DCAF12: variants seen among roughly 807,000 people sequenced by gnomAD.
DCAF12 encodes DDB1 and CUL4 associated factor 12.
DCAF12 carries 28 observed loss-of-function variants against 52.8 expected under a neutral mutation model. That is an observed-to-expected ratio of 0.53 (90% CI 0.39 to 0.73). The LOEUF is 0.73. DCAF12 is among the 30% of genes least tolerant of loss of function. The probability of loss-of-function intolerance (pLI) is 0.00; values close to 1 mark genes in which losing one functional copy is unlikely to be tolerated. For synonymous variants in DCAF12, 196 were observed against 215.5 expected (o/e 0.91, Z 0.79); for missense variants, 425 against 552.2 (o/e 0.77, Z 2.31).
chr9:34,114,080 C>A (rs1173079641), intron 2 of DCAF12, among the ~76,000 whole-genome samples: 1 of 151,574 alleles, frequency 6.6e-6, no homozygotes, highest in Non-Finnish European at 1.5e-5. Context: ...TGCACTCCAG[C>A]CTGGGCGACA....
At chr9:34,112,097 C>T (rs970774600) in intron 2 of DCAF12, among the ~76,000 whole-genome samples, 6 of 149,666 alleles carry the variant, frequency 4.0e-5, no homozygotes, top group Admixed American at 2.7e-4. Flanking sequence ...GAGCCAAGAT[C>T]GTGCCATTGC....
chr9:34,107,118 T>A (rs552554101), intron 3 of DCAF12, among the ~76,000 whole-genome samples: 3 of 152,184 alleles, frequency 2.0e-5, no homozygotes, highest in Non-Finnish European at 4.4e-5. Context: ...GAATGGATGA[T>A]TTAGTAAACT....
chr9:34,106,555 T>C, intron 3 of DCAF12, 61 bp from the exon 4 acceptor site: 1 of 1,347,726 alleles, frequency 7.4e-7, no homozygotes, highest in South Asian at 1.2e-5. Flanking sequence ...AAATAAGGAT[T>C]GTAATAAACT....
chr9:34,124,137 G>C lies in DCAF12; in HGVS notation c.333+886C>G, dbSNP rs117474949. Among the ~76,000 whole-genome samples, 549 of 152,190 alleles carry C rather than the reference G, an allele frequency of 3.6e-3. 8 individuals are homozygous for C. Among genetic ancestry groups the C allele is most frequent in the Admixed American group, 0.026 (397 of 15,272 alleles). ...TAGTACTTAAGACTTTCTTGATCTAGAGCAATCTTCTCTCTTTTAATGATC... is the reference window on the plus strand; with the variant it reads ...TAGTACTTAAGACTTTCTTGATCTACAGCAATCTTCTCTCTTTTAATGATC... On this transcript the variant is annotated intron_variant, in intron 2 of 8. Coordinates refer to ENST00000361264, the MANE Select transcript of DCAF12 (RefSeq NM_015397.4).
intron 3 of DCAF12, among the ~76,000 whole-genome samples, chr9:34,106,763 T>C (rs1828910637): frequency 6.6e-6 from 1 of 152,182 alleles, no homozygotes; most frequent in African/African-American, 2.4e-5. Context: ...ATCTTCCATC[T>C]GGAACTCTCT....
At position 34,126,463 on chromosome 9, in the gene DCAF12, C is replaced by G; in HGVS notation, c.-32G>C. ...CAGCGCCGCCGCGGCCCCGCAGCCA[C>G]ATGGGGCGGGGGAAGCGAAGGATAG... is the stretch of plus-strand genomic sequence containing the variant. On this transcript the variant is annotated 5_prime_UTR_variant, in exon 1 of 9. It removes an upstream start codon present in the reference 5' UTR. Transcript: ENST00000361264. 1.3e-6 allele frequency: 2 copies of G among 1,596,970 alleles called. No homozygotes were observed. The highest frequency in any genetic ancestry group is 1.7e-6 in the Non-Finnish European group (2 of 1,177,002).
intron 2 of DCAF12, among the ~76,000 whole-genome samples, chr9:34,121,684 C>A (rs1019292624): frequency 1.3e-5 from 2 of 152,150 alleles, no homozygotes; most frequent in Non-Finnish European, 2.9e-5. Context: ...GTGGCTCATG[C>A]CTGTAATCCC....
At chr9:34,126,228 A>AG in intron 1 of DCAF12, 126 bp downstream of exon 1, 1 of 1,214,166 alleles carries the variant, frequency 8.2e-7, no homozygotes, top group Non-Finnish European at 1.2e-6. Flanking sequence ...ATAGGCCCTG[A>AG]ACCCATTCCT....
intron 2 of DCAF12, among the ~76,000 whole-genome samples, chr9:34,118,724 G>A (rs897148524): frequency 6.6e-6 from 1 of 151,660 alleles, no homozygotes; most frequent in Non-Finnish European, 1.5e-5. Context: ...AGCTCTTTGG[G>A]AGGCAGAGGT....
At chr9:34,113,783 G>A (rs554141638) in intron 2 of DCAF12, among the ~76,000 whole-genome samples, 4 of 152,256 alleles carry the variant, frequency 2.6e-5, no homozygotes, top group African/African-American at 7.2e-5. Flanking sequence ...GGAATCAGCC[G>A]AAGTGTGCAT....
At chr9:34,096,619 G>T in intron 6 of DCAF12, 97 bp downstream of exon 6, 2 of 1,151,860 alleles carry the variant, frequency 1.7e-6, no homozygotes, top group Non-Finnish European at 1.2e-6. Flanking sequence ...TAAATGAATA[G>T]ATAAAATAAA....
At chr9:34,108,902 G>A (rs1316260714) in intron 2 of DCAF12, among the ~76,000 whole-genome samples, 1 of 149,056 alleles carries the variant, frequency 6.7e-6, no homozygotes, top group Non-Finnish European at 1.5e-5. Flanking sequence ...GAGGCATAAG[G>A]ATCACAAATT....
At chr9:34,098,872 G>A (rs1828782692) in intron 4 of DCAF12, among the ~76,000 whole-genome samples, 2 of 151,706 alleles carry the variant, frequency 1.3e-5, no homozygotes, top group African/African-American at 2.4e-5. Flanking sequence ...GGGTTCAAGC[G>A]ATTCCCGTGC....
chr9:34,099,558 C>G (rs1241041619), intron 4 of DCAF12, among the ~76,000 whole-genome samples: 1 of 151,404 alleles, frequency 6.6e-6, no homozygotes, highest in African/African-American at 2.4e-5. Flanking sequence ...GAATTTTATA[C>G]ATTTTGATAA....
intron 2 of DCAF12, among the ~76,000 whole-genome samples, chr9:34,122,969 A>G (rs957504684): frequency 2.0e-5 from 3 of 152,210 alleles, no homozygotes; most frequent in Non-Finnish European, 2.9e-5. Context: ...AACCATGAAC[A>G]TATACCTAAC....
intron 2 of DCAF12, among the ~76,000 whole-genome samples, chr9:34,122,767 C>T (rs1442965313): frequency 1.3e-5 from 2 of 152,196 alleles, no homozygotes; most frequent in Admixed American, 1.3e-4. Flanking sequence ...TGTGAGCCAC[C>T]TTGCCCTGCG....
chr9:34,120,199 G>A (rs1394178832), intron 2 of DCAF12, among the ~76,000 whole-genome samples: 6 of 62,658 alleles, frequency 9.6e-5, no homozygotes, highest in African/African-American at 3.6e-4. Context: ...ATGAAAGTCC[G>A]TCTCAAAAAA....
chr9:34,122,940 C>A (rs1829197482), intron 2 of DCAF12, among the ~76,000 whole-genome samples: 3 of 152,234 alleles, frequency 2.0e-5, no homozygotes, highest in Admixed American at 6.5e-5. Context: ...CGCAGCCAAT[C>A]TGAATTTGCG....
chr9:34,106,441 T>C lies in DCAF12; in HGVS notation c.594A>G (p.Ala198=). ...ATAAAAGGGCAACTTTACCAGACAC[T>C]GCCATAGTGTCGCTGATCCATGCGA... is the stretch of plus-strand genomic sequence containing the variant. The part of the protein sequence containing the change: ...FSIAWISDTM[A]VSGSRDGSMG... The change falls in exon 4 of 9, where the codon GCA becomes GCG. Residue 198 remains alanine, a synonymous_variant. Coordinates refer to ENST00000361264, the MANE Select transcript of DCAF12 (RefSeq NM_015397.4). 1 of 1,607,910 alleles carries C rather than the reference T, an allele frequency of 6.2e-7. No individual in the cohort carries two copies. The highest frequency in any genetic ancestry group is 8.5e-7 in the Non-Finnish European group (1 of 1,176,062).
Sources: allele counts gnomAD v4.1 joint callset (sites outside exome capture counted in the v4.1 genomes callset), GRCh38; gene constraint gnomAD v4.1.1; transcripts MANE v1.5; gene names NCBI Gene and HGNC (gene_info 2026-07-23, HGNC 2026-07-21).